Variants in REEP1 observed in about 807,000 individuals in gnomAD.
REEP1 encodes the protein receptor accessory protein 1.
REEP1 carries 22 observed loss-of-function variants against 40.3 expected under a neutral mutation model. The ratio of observed to expected loss-of-function variants is 0.55; its 90% CI spans 0.39 to 0.78. REEP1 has a LOEUF of 0.78. Ranked by LOEUF, REEP1 falls within the 30% of genes least tolerant of loss-of-function variation. REEP1 has a pLI of 0.00. For synonymous variants in REEP1, 116 were observed against 139.2 expected, an observed-to-expected ratio of 0.83 and a Z score of 1.17; for missense variants, 280 against 361.1, an observed-to-expected ratio of 0.78 and a Z score of 1.82.
chr2:86,317,186 G>T (rs1256992226), intron 1 of REEP1, among the ~76,000 whole-genome samples: 18 of 152,110 alleles, frequency 1.2e-4, no homozygotes, highest in Admixed American at 9.8e-4. Context: ...ATAAATCGGG[G>T]CAACTGTTCT....
chr2:86,328,708 G>A (rs1009653643), intron 1 of REEP1, among the ~76,000 whole-genome samples: 2 of 152,026 alleles, frequency 1.3e-5, no homozygotes, highest in Non-Finnish European at 2.9e-5. Flanking sequence ...TGAGACAGGA[G>A]GGCTGCCTTG....
intron 1 of REEP1, among the ~76,000 whole-genome samples, chr2:86,306,891 A>T (rs986010649): frequency 6.6e-6 from 1 of 151,964 alleles, no homozygotes; most frequent in Non-Finnish European, 1.5e-5. Context: ...GCCAAAAGAA[A>T]AAAAAAAAAA....
At chr2:86,299,468 T>G (rs568104963) in intron 1 of REEP1, among the ~76,000 whole-genome samples, 1 of 152,326 alleles carries the variant, frequency 6.6e-6, no homozygotes, top group East Asian at 1.9e-4. Context: ...TATGCCTAGA[T>G]CCAGGGCTAT....
intron 5 of REEP1, among the ~76,000 whole-genome samples, chr2:86,240,252 G>C (rs909631083): frequency 1.3e-5 from 2 of 152,194 alleles, no homozygotes; most frequent in Admixed American, 6.5e-5. Context: ...CACCGCAGAG[G>C]AACAAAGACG....
intron 6 of REEP1, among the ~76,000 whole-genome samples, chr2:86,227,927 C>T (rs1558871581): frequency 2.0e-5 from 3 of 152,180 alleles, no homozygotes. Context: ...CCATGGAAGG[C>T]CAGGATCATT....
Position 86,327,523 on chromosome 2 carries a change from A to G in REEP1, c.32+9956T>C, listed in dbSNP as rs558013937. On this transcript the variant is annotated intron_variant, in intron 1 of 8. Coordinates refer to ENST00000538924, the MANE Select transcript of REEP1 (RefSeq NM_001371279.1). ...AGGACTTTGAGTTTTACTCTTAGTG[A>G]GATGGAGCAGTTTTTAAACAGCAGG... Among the ~76,000 whole-genome samples, 17 of 150,516 alleles carry G rather than the reference A, an allele frequency of 1.1e-4. 1 individual carries two copies. Among genetic ancestry groups the G allele is most frequent in the African/African-American group, 4.2e-4 (17 of 40,874 alleles).
intron 1 of REEP1, among the ~76,000 whole-genome samples, chr2:86,294,670 T>C (rs1044155538): frequency 1.2e-4 from 18 of 152,178 alleles, no homozygotes; most frequent in Non-Finnish European, 2.9e-5. Context: ...CATTGCTGTA[T>C]ATTATGTTCT....
rs1674061459 is a variant in REEP1, at chr2:86,215,539, A to T, written c.*1500T>A. The T allele has an allele frequency of 2.0e-5, 3 of 152,612 alleles. No homozygotes were observed. The highest frequency in any genetic ancestry group is 4.4e-5 in the Non-Finnish European group (3 of 68,036). The allele number at this position is 152,612 out of a possible 1,614,324, so 9.5% of individuals were successfully genotyped here. On this transcript the variant is annotated 3_prime_UTR_variant, in exon 9 of 9. Coordinates refer to ENST00000538924, the MANE Select transcript of REEP1 (RefSeq NM_001371279.1). ...CTGGGCATATCTACGAACAAATACA[A>T]TCCAAATATTATGAGTAACTGGGTT...
chr2:86,244,362 T>G (rs1415720120), intron 5 of REEP1, among the ~76,000 whole-genome samples: 1 of 152,082 alleles, frequency 6.6e-6, no homozygotes, highest in African/African-American at 2.4e-5. Flanking sequence ...CTTTTTCTTT[T>G]TAAGGAAAGA....
chr2:86,317,556 C>T (rs1279288609), intron 1 of REEP1, among the ~76,000 whole-genome samples: 1 of 152,180 alleles, frequency 6.6e-6, no homozygotes, highest in African/African-American at 2.4e-5. Context: ...ACTGATGGTG[C>T]AAAACCAATG....
At chr2:86,293,402 C>G (rs1484994186) in intron 1 of REEP1, among the ~76,000 whole-genome samples, 1 of 152,178 alleles carries the variant, frequency 6.6e-6, no homozygotes, top group Non-Finnish European at 1.5e-5. Flanking sequence ...AGATAGAAAA[C>G]AGATGAGCTG....
At chr2:86,336,011 G>A (rs1287457513) in intron 1 of REEP1, among the ~76,000 whole-genome samples, 2 of 151,990 alleles carry the variant, frequency 1.3e-5, no homozygotes, top group Non-Finnish European at 2.9e-5. Flanking sequence ...CACCAGCCAG[G>A]CCAGCTCAAC....
intron 7 of REEP1, among the ~76,000 whole-genome samples, chr2:86,226,138 C>CCAT (rs61395687): frequency 0.036 from 5,460 of 150,224 alleles, 342 homozygotes; most frequent in African/African-American, 0.13. Context: ...ACCACCACCA[C>CCAT]CATCATCATC....
chr2:86,236,289 C>G (rs571285389), intron 5 of REEP1, among the ~76,000 whole-genome samples: 14 of 152,132 alleles, frequency 9.2e-5, no homozygotes, highest in Admixed American at 3.9e-4. Flanking sequence ...TACACAAAAT[C>G]TCATTCCTAT....
At chr2:86,297,131 C>A (rs1205109001) in intron 1 of REEP1, among the ~76,000 whole-genome samples, 1 of 152,228 alleles carries the variant, frequency 6.6e-6, no homozygotes, top group South Asian at 2.1e-4. Flanking sequence ...TCCTTCCATA[C>A]TCAACATCCA....
intron 3 of REEP1, among the ~76,000 whole-genome samples, chr2:86,262,774 T>A (rs1255734364): frequency 6.6e-6 from 1 of 152,230 alleles, no homozygotes; most frequent in East Asian, 1.9e-4. Context: ...TGATCCCAAG[T>A]CGTAGAAATA....
At chr2:86,286,151 G>A (rs1472326722) in intron 1 of REEP1, among the ~76,000 whole-genome samples, 11 of 152,148 alleles carry the variant, frequency 7.2e-5, no homozygotes, top group African/African-American at 2.7e-4. Context: ...CAAGTTAGGG[G>A]TCTTCATTCA....
intron 2 of REEP1, 26 bp from the exon 3 acceptor site, chr2:86,264,067 T>C: frequency 6.3e-7 from 1 of 1,586,110 alleles, no homozygotes; most frequent in Non-Finnish European, 8.7e-7. Context: ...GCAACACAGC[T>C]GGTAGAAAAG....
intron 1 of REEP1, among the ~76,000 whole-genome samples, chr2:86,319,196 A>T (rs1680167063): frequency 6.6e-6 from 1 of 152,194 alleles, no homozygotes; most frequent in Non-Finnish European, 1.5e-5. Flanking sequence ...CCTGGGCCCT[A>T]ACCTCAGGTA....
Sources: gnomAD v4.1 joint callset for allele counts (sites outside exome capture counted in the v4.1 genomes callset) on GRCh38, gnomAD v4.1.1 for gene constraint, MANE v1.5 for transcripts, NCBI Gene and HGNC (gene_info 2026-07-23, HGNC 2026-07-21) for gene names.